INF2: variants seen among roughly 807,000 people sequenced by gnomAD.
INF2 encodes the protein inverted formin-2.
Under a neutral mutation model 123.5 loss-of-function variants are expected in INF2, and 43 were observed. The observed-to-expected ratio is 0.35, with a 90% CI of 0.27 to 0.45. The LOEUF is 0.45. INF2 is among the 20% of genes least tolerant of loss of function. INF2 has a pLI of 1.00. For synonymous variants in INF2, 851 were observed against 745.0 expected (o/e 1.14, Z -2.32); for missense variants, 1,453 against 1,682.7 (o/e 0.86, Z 2.39).
chr14:104,689,528 GC>G, upstream of INF2: 12 of 103,342 alleles, frequency 1.2e-4, no homozygotes, highest in Non-Finnish European at 1.3e-4. Context: ...CCCAGGCCCC[GC>G]CCCCGGCCCG....
chr14:104,682,627 C>T (rs1034622585), intron 1 of INF2, among the ~76,000 whole-genome samples: 1 of 152,302 alleles, frequency 6.6e-6, no homozygotes, highest in African/African-American at 2.4e-5. Context: ...CAGCCATAAC[C>T]TGGCTGCAGG....
upstream of INF2, among the ~76,000 whole-genome samples, chr14:104,687,218 C>T (rs1441723307): frequency 1.3e-5 from 2 of 152,070 alleles, no homozygotes; most frequent in Non-Finnish European, 2.9e-5. This position sits in a 1 kb window ranked among gnomAD's most constrained non-coding sequence, Gnocchi z 5.6. Context: ...CTCTTCAACC[C>T]CAGGGCCAGG....
At chr14:104,718,294 G>A (rs11624956) in intron 22 of INF2, among the ~76,000 whole-genome samples, 2,043 of 152,352 alleles carry the variant, frequency 0.013, 30 homozygotes, top group South Asian at 0.045. Context: ...GGCGTTGGGG[G>A]CAGGAGGCCT....
At chr14:104,702,388 A>C (rs1263234498) in intron 2 of INF2, among the ~76,000 whole-genome samples, 1 of 150,438 alleles carries the variant, frequency 6.6e-6, no homozygotes, top group African/African-American at 2.5e-5. Context: ...TAAGCCTTTA[A>C]GCCCCAGCTC....
chr14:104,691,118 T>C (rs1326683563), intron 1 of INF2: 2 of 152,274 alleles, frequency 1.3e-5, no homozygotes, highest in Non-Finnish European at 2.9e-5. Context: ...CAGCCAGGGC[T>C]CCTGAGTTAA....
chr14:104,692,923 G>A (rs1249691542), intron 1 of INF2, among the ~76,000 whole-genome samples: 2 of 152,244 alleles, frequency 1.3e-5, no homozygotes, highest in Admixed American at 6.5e-5. Flanking sequence ...GGGCTGCCCC[G>A]AGCCTCTGTG....
upstream of INF2, among the ~76,000 whole-genome samples, chr14:104,686,529 G>A (rs1292316621): frequency 6.6e-6 from 1 of 152,084 alleles, no homozygotes; most frequent in Admixed American, 6.5e-5. Flanking sequence ...ACATAGGTGG[G>A]CAAGGTGGGT....
Position 104,689,681 on chromosome 14 carries a change from G to A in INF2, c.-68G>A. On this transcript the variant is annotated 5_prime_UTR_variant, in exon 1 of 23. Transcript: ENST00000392634. Reference sequence around the variant, plus strand: ...TGGGCGCCGGCTGCCCGCAGCCCCTGACCCGGCCCCGGACGGAGCGCCGGC... The same window carrying A: ...TGGGCGCCGGCTGCCCGCAGCCCCTAACCCGGCCCCGGACGGAGCGCCGGC... 3 of 984,640 alleles carry A rather than the reference G, an allele frequency of 3.0e-6. No homozygotes were observed. The highest frequency in any genetic ancestry group is 3.6e-6 in the Non-Finnish European group (3 of 829,630). 61.0% of individuals were successfully genotyped at this position (984,640 alleles called of 1,614,324 possible). A position where few individuals can be genotyped will look rare whatever the true frequency, so the allele number is the denominator to read the frequency against.
Position 104,694,571 on chromosome 14 carries a change from G to T in INF2, c.-10+4832G>T, listed in dbSNP as rs534382894. Among the ~76,000 whole-genome samples, 12 of 152,336 alleles carry T rather than the reference G, an allele frequency of 7.9e-5. No individual in the cohort carries two copies. In the East Asian group the frequency reaches 2.3e-3, roughly 29 times the overall value. On this transcript the variant is annotated intron_variant, in intron 1 of 22. Coordinates refer to ENST00000392634, the MANE Select transcript of INF2 (RefSeq NM_022489.4). ...GTCAATCTGTCAGTAAGCTGTGGGG[G>T]TGGCATTGACACACTCATCCGCATT...
In INF2 at chr14:104,704,378, C is replaced by T. The variant is rs142422238; in HGVS notation, c.701+429C>T. ...ACTACCTACAGGGTACAGTGTTCGT[C>T]GCTACTTGGTGTCAGGCCCACTAGA... On this transcript the variant is annotated intron_variant, in intron 5 of 22. Coordinates refer to ENST00000392634, the MANE Select transcript of INF2 (RefSeq NM_022489.4). 1.3e-3 allele frequency: 335 copies of T among 258,940 alleles called. 2 individuals carry two copies. The highest frequency in any genetic ancestry group is 5.2e-3 in the Middle Eastern group (4 of 762). The allele number at this position is 258,940 out of a possible 1,614,324, so 16.0% of individuals were successfully genotyped here. A position where few individuals can be genotyped will look rare whatever the true frequency, so the allele number is the denominator to read the frequency against.
chr14:104,683,410 A>C (rs117791966), intron 1 of INF2, among the ~76,000 whole-genome samples: 2 of 99,604 alleles, frequency 2.0e-5, no homozygotes, highest in East Asian at 8.9e-4. Context: ...GTCAAAGCAG[A>C]AGGCTGGCAT....
chr14:104,689,620 C>G lies in INF2; in HGVS notation c.-129C>G. On this transcript the variant is annotated 5_prime_UTR_variant, in exon 1 of 23. Transcript: ENST00000392634. ...CCCGCCCCGCCCGCCCCGCGCCCGCCAGGAGCCACCGTCCGAGCCTTGCGG... is the reference window on the plus strand; with the variant it reads ...CCCGCCCCGCCCGCCCCGCGCCCGCGAGGAGCCACCGTCCGAGCCTTGCGG... 2.2e-6 allele frequency: 2 copies of G among 909,002 alleles called. No homozygotes were observed. The highest frequency in any genetic ancestry group is 1.3e-6 in the Non-Finnish European group (1 of 760,474). 56.3% of individuals were successfully genotyped at this position (909,002 alleles called of 1,614,324 possible). A position where few individuals can be genotyped will look rare whatever the true frequency, so the allele number is the denominator to read the frequency against.
intron 1 of INF2, among the ~76,000 whole-genome samples, chr14:104,683,393 C>A (rs1467868092): frequency 2.6e-5 from 4 of 152,048 alleles, no homozygotes; most frequent in African/African-American, 9.7e-5. Context: ...GGTCCCCCAC[C>A]AGGGGTGTCA....
Position 104,684,026 on chromosome 14 carries a change from C to T in INF2, c.-104+2444C>T, listed in dbSNP as rs1056726632. On this transcript the variant is annotated intron_variant, in intron 1 of 2. Transcript: ENST00000674723. This position sits in a 1 kb window ranked among gnomAD's most constrained non-coding sequence, Gnocchi z 5.0. Reference sequence around the variant, plus strand: ...CTCCAGCTCCTCAAATTCCCAACACCAGGGTTGCAAGGCCCAGTGTCTTCT... The same window carrying T: ...CTCCAGCTCCTCAAATTCCCAACACTAGGGTTGCAAGGCCCAGTGTCTTCT... 2 of 455,862 alleles carry T rather than the reference C, an allele frequency of 4.4e-6. No individual in the cohort carries two copies. Among genetic ancestry groups the T allele is most frequent in the African/African-American group, 4.0e-5 (2 of 50,070 alleles). The allele number at this position is 455,862 out of a possible 1,614,324, so 28.2% of individuals were successfully genotyped here. A position where few individuals can be genotyped will look rare whatever the true frequency, so the allele number is the denominator to read the frequency against.
At chr14:104,692,771 C>T (rs181310763) in intron 1 of INF2, among the ~76,000 whole-genome samples, 89 of 152,382 alleles carry the variant, frequency 5.8e-4, no homozygotes, top group South Asian at 1.9e-3. Context: ...GGATGACTAG[C>T]GTGAAGGCCC....
intron 6 of INF2, 86 bp from the exon 7 acceptor site, chr14:104,706,824 C>A: frequency 6.7e-7 from 1 of 1,494,972 alleles, no homozygotes; most frequent in Non-Finnish European, 9.0e-7. Flanking sequence ...GGTGATGGGG[C>A]TGGACACCCT....
At chr14:104,683,295 C>T (rs1190237781) in intron 1 of INF2, among the ~76,000 whole-genome samples, 1 of 152,152 alleles carries the variant, frequency 6.6e-6, no homozygotes, top group Non-Finnish European at 1.5e-5. Context: ...AAATCCCAAG[C>T]ATGCATCCTC....
chr14:104,710,922 T>C lies in INF2; in HGVS notation c.2240-15T>C. 1 of 1,611,392 alleles carries C rather than the reference T, an allele frequency of 6.2e-7. No individual in the cohort carries two copies. The highest frequency in any genetic ancestry group is 8.5e-7 in the Non-Finnish European group (1 of 1,179,120). ...CGAACCAAGAGCCCCTCTCCAGCCC[T>C]GGCTGCCCCTGCAGGCCTGCTCACC... On this transcript the variant is annotated splice_polypyrimidine_tract_variant and intron_variant, in intron 13 of 22. Transcript: ENST00000392634.
Position 104,714,744 on chromosome 14 carries a change from C to T in INF2, c.3582C>T (p.Ser1194=), listed in dbSNP as rs753189600. The T allele has an allele frequency of 6.2e-6, 10 of 1,601,328 alleles. No individual in the cohort carries two copies. Among genetic ancestry groups the T allele is most frequent in the African/African-American group, 4.0e-5 (3 of 74,572 alleles). ...ALDTSLDKSF[S]EDAVTDSSGS... is the part of the protein sequence containing the mutation. ...ACACATCCCTGGACAAGTCCTTCTCCGAGGATGCGGTGACCGACTCCTCGG... is the reference window on the plus strand; with the variant it reads ...ACACATCCCTGGACAAGTCCTTCTCTGAGGATGCGGTGACCGACTCCTCGG... The change falls in exon 21 of 23, where the codon TCC becomes TCT. Residue 1194 remains serine (S), a synonymous_variant. Transcript: ENST00000392634.
Sources: allele counts gnomAD v4.1 joint callset (sites outside exome capture counted in the v4.1 genomes callset), GRCh38; gene constraint gnomAD v4.1.1; non-coding constraint Gnocchi (gnomAD v3.1); transcripts MANE v1.5; gene names NCBI Gene and HGNC (gene_info 2026-07-23, HGNC 2026-07-21).